Variants in RBFOX1 observed in about 807,000 individuals in gnomAD.
The protein encoded by RBFOX1 is RNA binding fox-1 homolog 1, also known as RNA binding protein fox-1 homolog 1.
A neutral mutation model predicts 57.7 loss-of-function variants in RBFOX1; 8 were observed. That is an observed-to-expected ratio of 0.14 (90% CI 0.08 to 0.25). RBFOX1 has a LOEUF of 0.25. RBFOX1 is among the 10% of genes least tolerant of loss of function. The pLI, the probability that RBFOX1 is intolerant of heterozygous loss-of-function variation, is 1.00. For synonymous variants in RBFOX1, 326 were observed against 222.4 expected (o/e 1.47, Z -4.15); for missense variants, 611 against 548.5 (o/e 1.11, Z -1.14).
intron 2 of RBFOX1, among the ~76,000 whole-genome samples, chr16:6,529,412 A>G (rs1478082128): frequency 1.3e-5 from 2 of 151,974 alleles, no homozygotes; most frequent in Admixed American, 1.3e-4. Flanking sequence ...TACAAAAATC[A>G]GTTGGGTGTG....
chr16:6,754,477 G>T lies in RBFOX1; in HGVS notation c.-16+99827G>T, dbSNP rs1022259550. Among the ~76,000 whole-genome samples the T allele has an allele frequency of 6.4e-4, 97 of 152,244 alleles. 2 individuals carry two copies. Among genetic ancestry groups the T allele is most frequent in the African/African-American group, 9.4e-4 (39 of 41,572 alleles). Reference sequence around the variant, plus strand: ...TCCTTTTGTTTCTTCCACAATTTCAGCTCCTCTTTTTCATGAGGAAAATTG... The same window carrying T: ...TCCTTTTGTTTCTTCCACAATTTCATCTCCTCTTTTTCATGAGGAAAATTG... On this transcript the variant is annotated intron_variant, in intron 3 of 15. Coordinates refer to ENST00000550418, the MANE Select transcript of RBFOX1 (RefSeq NM_018723.4).
intron 3 of RBFOX1, among the ~76,000 whole-genome samples, chr16:6,693,951 TCTC>T (rs1568245000): frequency 6.6e-6 from 1 of 152,260 alleles, no homozygotes; most frequent in African/African-American, 2.4e-5. Flanking sequence ...CACTATTATT[TCTC>T]CTATTTTACA....
intron 4 of RBFOX1, among the ~76,000 whole-genome samples, chr16:7,473,435 T>C (rs1009831937): frequency 2.7e-5 from 4 of 148,134 alleles, no homozygotes; most frequent in African/African-American, 4.9e-5. Flanking sequence ...GTATATAATA[T>C]ATATTTTATA....
chr16:6,913,268 T>G (rs2072182006), intron 3 of RBFOX1, among the ~76,000 whole-genome samples: 1 of 152,194 alleles, frequency 6.6e-6, no homozygotes, highest in Admixed American at 6.5e-5. Flanking sequence ...AGTAGCACTT[T>G]TAATTCATTT....
chr16:6,522,649 G>T lies in RBFOX1; in HGVS notation c.-63-131954G>T, dbSNP rs888340494. On this transcript the variant is annotated intron_variant, in intron 2 of 15. Coordinates refer to ENST00000550418, the MANE Select transcript of RBFOX1 (RefSeq NM_018723.4). ...ACTTGGGTTGGCATTCAGTACCGGG[G>T]TTAATACTAATAACCAGGTTAATCT... Among the ~76,000 whole-genome samples, 4 of 152,132 alleles carry T rather than the reference G, an allele frequency of 2.6e-5. No homozygotes were observed. The East Asian group carries it at 7.7e-4, about 29-fold the overall frequency.
intron 2 of RBFOX1, among the ~76,000 whole-genome samples, chr16:5,502,964 A>C (rs2043252279): frequency 6.6e-6 from 1 of 152,230 alleles, no homozygotes; most frequent in South Asian, 2.1e-4. Context: ...GATTGCTTGG[A>C]TCATTCTATT....
chr16:6,264,414 C>T (rs563717303), intron 1 of RBFOX1, among the ~76,000 whole-genome samples: 1 of 152,170 alleles, frequency 6.6e-6, no homozygotes. Context: ...TTATACTGTT[C>T]TCTTGTTGGA....
intron 4 of RBFOX1, among the ~76,000 whole-genome samples, chr16:7,280,989 C>A (rs7499756): frequency 7.4e-5 from 4 of 54,374 alleles, no homozygotes; most frequent in Admixed American, 1.8e-4. Flanking sequence ...CCCTCCCTCC[C>A]TCCTTCCTTC....
intron 1 of RBFOX1, among the ~76,000 whole-genome samples, chr16:5,424,876 TTTC>T (rs1567489512): frequency 3.8e-4 from 3 of 7,874 alleles, no homozygotes; most frequent in Admixed American, 2.7e-3. Flanking sequence ...CTTTCTTTTT[TTTC>T]TTTCTTTCTT....
At chr16:5,929,122 C>CA (rs2058995533) in intron 4 of RBFOX1, among the ~76,000 whole-genome samples, 1 of 151,404 alleles carries the variant, frequency 6.6e-6, no homozygotes, top group Non-Finnish European at 1.5e-5. Context: ...AAAATTTTGA[C>CA]AGAGACATTG....
rs114108399 is a variant in RBFOX1, at chr16:6,572,189, A to G, written c.-63-82414A>G. The stretch of plus-strand genomic sequence containing the variant: ...TGATATCCCGTCGTGGAAGTATAAT[A>G]TTTATTTAAATATGTTTTGCCTATA... On this transcript the variant is annotated intron_variant, in intron 2 of 15. Coordinates refer to ENST00000550418, the MANE Select transcript of RBFOX1 (RefSeq NM_018723.4). 9.7e-3 allele frequency among the ~76,000 whole-genome samples: 1,472 copies of G among 152,180 alleles called. 32 individuals carry two copies. The highest frequency in any genetic ancestry group is 0.034 in the African/African-American group (1,419 of 41,448).
At chr16:6,228,869 T>C (rs2097436772) in intron 1 of RBFOX1, among the ~76,000 whole-genome samples, 1 of 152,236 alleles carries the variant, frequency 6.6e-6, no homozygotes, top group Non-Finnish European at 1.5e-5. Flanking sequence ...ATTCCACATG[T>C]ATACATGTTT....
At chr16:5,857,227 T>C (rs767244990) in intron 3 of RBFOX1, among the ~76,000 whole-genome samples, 1 of 152,134 alleles carries the variant, frequency 6.6e-6, no homozygotes, top group African/African-American at 2.4e-5. Flanking sequence ...GAACACACAC[T>C]ACATTTATCA....
At chr16:6,900,861 A>C (rs142236682) in intron 3 of RBFOX1, among the ~76,000 whole-genome samples, 2 of 152,186 alleles carry the variant, frequency 1.3e-5, no homozygotes, top group Admixed American at 1.3e-4. Context: ...TGTGAGCTCC[A>C]TGAATGCAGG....
chr16:7,618,729 A>G (rs2058851585), intron 10 of RBFOX1, among the ~76,000 whole-genome samples: 1 of 152,206 alleles, frequency 6.6e-6, no homozygotes, highest in Admixed American at 6.5e-5. Context: ...GTAGATACTC[A>G]TTCTCTACAT....
chr16:6,487,098 A>G (rs1346231095), intron 2 of RBFOX1, among the ~76,000 whole-genome samples: 1 of 151,884 alleles, frequency 6.6e-6, no homozygotes, highest in Non-Finnish European at 1.5e-5. Context: ...TAAGCTAAAT[A>G]AAGTTTCTAT....
chr16:7,106,758 T>C (rs1352230261), intron 4 of RBFOX1, among the ~76,000 whole-genome samples: 1 of 152,016 alleles, frequency 6.6e-6, no homozygotes. Flanking sequence ...AAGCACAAAA[T>C]TTTTAAGGAG....
At chr16:5,468,758 T>C (rs566709203) in intron 2 of RBFOX1, among the ~76,000 whole-genome samples, 14 of 152,336 alleles carry the variant, frequency 9.2e-5, no homozygotes, top group Admixed American at 5.9e-4. Flanking sequence ...TTGAACACAT[T>C]ATGCTGTGTA....
intron 2 of RBFOX1, among the ~76,000 whole-genome samples, chr16:6,554,075 C>T (rs2097048011): frequency 6.6e-6 from 1 of 151,734 alleles, no homozygotes; most frequent in Non-Finnish European, 1.5e-5. Flanking sequence ...CTGGCCTTAA[C>T]ATAACAGTTT....
Sources: allele counts gnomAD v4.1 joint callset (sites outside exome capture counted in the v4.1 genomes callset), GRCh38; gene constraint gnomAD v4.1.1; transcripts MANE v1.5; gene names NCBI Gene and HGNC (gene_info 2026-07-23, HGNC 2026-07-21).